FRZB: variants seen among roughly 807,000 people sequenced by gnomAD.
The protein encoded by FRZB is frizzled related protein.
A neutral mutation model predicts 32.5 loss-of-function variants in FRZB; 34 were observed. The observed-to-expected ratio is 1.05, with a 90% confidence interval of 0.80 to 1.39. The LOEUF is 1.39. FRZB is among the 40% of genes most tolerant of loss of function. The pLI, the probability that FRZB is intolerant of heterozygous loss-of-function variation, is 0.00. For synonymous variants in FRZB, 170 were observed against 159.2 expected (o/e 1.07, Z -0.51); for missense variants, 423 against 424.8 (o/e 1.00, Z 0.04).
intron 5 of FRZB, 111 bp downstream of exon 5, chr2:182,837,837 A>T: frequency 1.3e-6 from 1 of 768,318 alleles, no homozygotes; most frequent in Non-Finnish European, 2.2e-6. Context: ...ACTAAATTTT[A>T]ATATTTCTCA....
Position 182,838,493 on chromosome 2 carries a change from T to C in FRZB, c.713A>G (p.Tyr238Cys), listed in dbSNP as rs374712103. The C allele has an allele frequency of 1.1e-5, 17 of 1,612,912 alleles. No individual in the cohort carries two copies. The highest frequency in any genetic ancestry group is 1.3e-5 in the Non-Finnish European group (15 of 1,179,302). ...VNIPRDTVNL[Y>C]TSSGCLCPPL... is the part of the protein sequence containing the mutation. ...AGGGCAGAGGCAGCCAGAGCTGGTATAGAGGTTGACAGTGTCCCGTGGAAT... is the reference window on the plus strand; with the variant it reads ...AGGGCAGAGGCAGCCAGAGCTGGTACAGAGGTTGACAGTGTCCCGTGGAAT... The change falls in exon 4 of 6, where the codon TAT (tyrosine) becomes TGT (cysteine). Residue 238 changes from tyrosine (Y) to cysteine (C), a missense_variant. Coordinates refer to ENST00000295113, the MANE Select transcript of FRZB (RefSeq NM_001463.4).
intron 4 of FRZB, 38 bp downstream of exon 4, chr2:182,838,371 G>A (rs780703473): frequency 6.6e-7 from 1 of 1,513,662 alleles, no homozygotes; most frequent in East Asian, 2.3e-5. Flanking sequence ...AGTAGGATAA[G>A]CAAAGTAGTT....
At chr2:182,857,948 T>C (rs1156298473) in intron 2 of FRZB, among the ~76,000 whole-genome samples, 1 of 152,160 alleles carries the variant, frequency 6.6e-6, no homozygotes, top group Non-Finnish European at 1.5e-5. Context: ...TTTAAAACCA[T>C]GATGAGCTAT....
intron 2 of FRZB, among the ~76,000 whole-genome samples, chr2:182,853,502 G>A (rs1237197585): frequency 1.3e-5 from 2 of 152,114 alleles, no homozygotes; most frequent in Admixed American, 1.3e-4. Flanking sequence ...GGACAGCAAT[G>A]ATTTCCAACT....
At chr2:182,854,783 T>C (rs1695750215) in intron 2 of FRZB, among the ~76,000 whole-genome samples, 2 of 152,082 alleles carry the variant, frequency 1.3e-5, no homozygotes, top group Non-Finnish European at 2.9e-5. Context: ...CTTGGCCCCA[T>C]AGGAAGGAGC....
At chr2:182,863,797 G>A (rs1021613385) in intron 1 of FRZB, among the ~76,000 whole-genome samples, 10 of 152,168 alleles carry the variant, frequency 6.6e-5, no homozygotes, top group African/African-American at 2.4e-4. Flanking sequence ...AATTCCAGGT[G>A]TCTGACAGTT....
chr2:182,851,508 T>C (rs541515514), intron 2 of FRZB, among the ~76,000 whole-genome samples: 2 of 152,008 alleles, frequency 1.3e-5, no homozygotes, highest in East Asian at 3.9e-4. Context: ...ATACAAAAAT[T>C]AGCCAGGCGT....
At chr2:182,839,310 G>A (rs575411595) in intron 3 of FRZB, among the ~76,000 whole-genome samples, 11 of 151,382 alleles carry the variant, frequency 7.3e-5, no homozygotes, top group African/African-American at 2.7e-4. Context: ...TTTTTCCTTT[G>A]TGTTCAGTAC....
At chr2:182,865,860 G>A (rs1245831065) in intron 1 of FRZB, among the ~76,000 whole-genome samples, 1 of 152,220 alleles carries the variant, frequency 6.6e-6, no homozygotes, top group Non-Finnish European at 1.5e-5. Flanking sequence ...CAGTGCCAGA[G>A]TGCATCAGTT....
At chr2:182,846,946 CT>C (rs1481396786) in intron 2 of FRZB, among the ~76,000 whole-genome samples, 13 of 152,276 alleles carry the variant, frequency 8.5e-5, no homozygotes, top group Non-Finnish European at 1.5e-4. Context: ...ATCCATTCTT[CT>C]GTAAATATGA....
intron 2 of FRZB, among the ~76,000 whole-genome samples, chr2:182,852,444 G>A (rs1019520028): frequency 2.0e-5 from 3 of 152,104 alleles, no homozygotes; most frequent in African/African-American, 4.8e-5. Context: ...AAATCAGAAG[G>A]GAACTCAGAT....
intron 5 of FRZB, among the ~76,000 whole-genome samples, chr2:182,836,837 A>C (rs1000197545): frequency 6.6e-6 from 1 of 152,066 alleles, no homozygotes; most frequent in Non-Finnish European, 1.5e-5. Context: ...CTTGAAATGC[A>C]TCTCCCTTTT....
chr2:182,847,242 C>G (rs17265824), intron 2 of FRZB, among the ~76,000 whole-genome samples: 7,881 of 152,218 alleles, frequency 0.052, 265 homozygotes, highest in Non-Finnish European at 0.075. Context: ...AGTCTGGCCT[C>G]CAATATACTG....
At chr2:182,847,676 T>C (rs975332028) in intron 2 of FRZB, among the ~76,000 whole-genome samples, 1 of 152,166 alleles carries the variant, frequency 6.6e-6, no homozygotes, top group Non-Finnish European at 1.5e-5. Context: ...TACCTTCTCA[T>C]TGAAGAATGA....
intron 1 of FRZB, among the ~76,000 whole-genome samples, chr2:182,862,923 C>T (rs752697465): frequency 4.7e-4 from 72 of 152,062 alleles, no homozygotes; most frequent in Non-Finnish European, 9.6e-4. Context: ...GCACGCACCA[C>T]CATCCCAGGC....
chr2:182,856,287 T>C (rs901086543), intron 2 of FRZB, among the ~76,000 whole-genome samples: 3 of 151,968 alleles, frequency 2.0e-5, no homozygotes, highest in South Asian at 2.1e-4. Flanking sequence ...CCTCAAGTTG[T>C]TTAAAAGATA....
At chr2:182,862,379 G>A (rs1432056730) in intron 1 of FRZB, among the ~76,000 whole-genome samples, 1 of 152,152 alleles carries the variant, frequency 6.6e-6, no homozygotes, top group East Asian at 1.9e-4. Context: ...CTTGATTCCT[G>A]GGTTTCTGAG....
At chr2:182,847,418 C>T (rs1358757787) in intron 2 of FRZB, among the ~76,000 whole-genome samples, 1 of 151,952 alleles carries the variant, frequency 6.6e-6, no homozygotes, top group East Asian at 1.9e-4. Context: ...AAGCGTCTTC[C>T]AAAATAAAAG....
At chr2:182,844,793 A>G (rs1695622779) in intron 2 of FRZB, among the ~76,000 whole-genome samples, 1 of 152,222 alleles carries the variant, frequency 6.6e-6, no homozygotes, top group Admixed American at 6.5e-5. Flanking sequence ...ATACAACTAC[A>G]TATACATAGC....
Sources: allele counts gnomAD v4.1 joint callset (sites outside exome capture counted in the v4.1 genomes callset), GRCh38; gene constraint gnomAD v4.1.1; transcripts MANE v1.5; gene names NCBI Gene and HGNC (gene_info 2026-07-23, HGNC 2026-07-21).